The following CD99L2 variants were observed in gnomAD, a reference collection of about 807,000 sequenced individuals.
CD99L2 encodes CD99 molecule like 2, also known as CD99 antigen-like protein 2.
Under a neutral mutation model 27.3 loss-of-function variants are expected in CD99L2, and 24 were observed. The ratio of observed to expected loss-of-function variants is 0.88; its 90% CI spans 0.64 to 1.24. CD99L2 has a LOEUF of 1.24. Among genes scored for constraint, CD99L2 ranks in the 50% most tolerant of loss-of-function variants. The pLI, the probability that CD99L2 is intolerant of heterozygous loss-of-function variation, is 0.00. For synonymous variants in CD99L2, 97 were observed against 87.9 expected, an observed-to-expected ratio of 1.10 and a Z score of -0.58; for missense variants, 255 against 221.6, an observed-to-expected ratio of 1.15 and a Z score of -0.96.
intron 2 of CD99L2, among the ~76,000 whole-genome samples, chrX:150,817,251 G>A (rs2046176304): frequency 9.2e-6 from 1 of 108,611 alleles, no homozygotes; most frequent in Admixed American, 9.8e-5. Context: ...AAATAAAAGT[G>A]GTGACCCCAA....
chrX:150,785,735 G>A (rs1426595614), intron 7 of CD99L2, among the ~76,000 whole-genome samples: 1 of 111,488 alleles, frequency 9.0e-6, no homozygotes, highest in Middle Eastern at 4.2e-3. Context: ...ATATAATTGG[G>A]CTCAAATAAT....
chrX:150,835,100 G>C (rs1280173002), intron 1 of CD99L2, among the ~76,000 whole-genome samples: 2 of 111,834 alleles, frequency 1.8e-5, no homozygotes, highest in Non-Finnish European at 3.8e-5. Context: ...AGAAGTATGG[G>C]GAAAGGGAAA....
intron 1 of CD99L2, among the ~76,000 whole-genome samples, chrX:150,874,152 G>A (rs1187250555): frequency 1.8e-5 from 2 of 111,898 alleles, no homozygotes; most frequent in African/African-American, 6.5e-5. Flanking sequence ...AAACAAATGG[G>A]GCTATGAGAG....
At chrX:150,793,193 A>C (rs782396890) in intron 7 of CD99L2, among the ~76,000 whole-genome samples, 15 of 112,510 alleles carry the variant, frequency 1.3e-4, no homozygotes, top group African/African-American at 4.8e-4. Flanking sequence ...AAGCTAGGTG[A>C]AGTATACACA....
chrX:150,878,824 A>G (rs1242787205), intron 1 of CD99L2, among the ~76,000 whole-genome samples: 2 of 112,125 alleles, frequency 1.8e-5, no homozygotes, highest in Admixed American at 1.9e-4. Flanking sequence ...GCTCATCATT[A>G]ACTGTTTACA....
intron 1 of CD99L2, among the ~76,000 whole-genome samples, chrX:150,846,203 A>T (rs1239972992): frequency 3.6e-5 from 4 of 112,201 alleles, no homozygotes; most frequent in Non-Finnish European, 7.5e-5. Context: ...AAAAAGAAAA[A>T]ATAATAAAAA....
At chrX:150,840,462 T>C (rs1257655633) in intron 1 of CD99L2, among the ~76,000 whole-genome samples, 1 of 110,115 alleles carries the variant, frequency 9.1e-6, no homozygotes, top group Admixed American at 9.6e-5. Flanking sequence ...CCAGGTTGGA[T>C]TGCAGTGGTG....
chrX:150,791,712 C>T (rs1372439533), intron 7 of CD99L2, among the ~76,000 whole-genome samples: 1 of 110,490 alleles, frequency 9.1e-6, no homozygotes, highest in Non-Finnish European at 1.9e-5. Flanking sequence ...CAGAGTCCTG[C>T]CCAGGCTGGG....
intron 1 of CD99L2, among the ~76,000 whole-genome samples, chrX:150,880,657 C>T (rs1214776818): frequency 9.0e-6 from 1 of 111,207 alleles, no homozygotes; most frequent in African/African-American, 3.3e-5. Context: ...CTAGAAACCA[C>T]CGAGCTGTGT....
intron 1 of CD99L2, among the ~76,000 whole-genome samples, chrX:150,891,559 G>A (rs1169515293): frequency 8.0e-5 from 9 of 111,872 alleles, no homozygotes; most frequent in African/African-American, 2.9e-4. Context: ...ATATTTTAAG[G>A]TCAGCAGATT....
At chrX:150,775,789 C>T (rs1216871927) in intron 9 of CD99L2, among the ~76,000 whole-genome samples, 5 of 112,115 alleles carry the variant, frequency 4.5e-5, no homozygotes, top group African/African-American at 1.3e-4. Context: ...GAGCTGGTGA[C>T]GCAGGGCCTC....
intron 8 of CD99L2, 127 bp from the exon 9 acceptor site, chrX:150,776,420 G>A: frequency 1.3e-6 from 1 of 771,307 alleles, no homozygotes; most frequent in East Asian, 3.6e-5. Flanking sequence ...CAAGCCAGCA[G>A]GAGAGGGCCA....
At chrX:150,778,295 G>A (rs1029475004) in intron 7 of CD99L2, among the ~76,000 whole-genome samples, 11 of 110,253 alleles carry the variant, frequency 1.0e-4, no homozygotes, top group African/African-American at 3.6e-4. Flanking sequence ...CTCTTCTCAG[G>A]GCCGAACACT....
chrX:150,836,722 A>G (rs2046535716), intron 1 of CD99L2, among the ~76,000 whole-genome samples: 1 of 111,854 alleles, frequency 8.9e-6, no homozygotes, highest in African/African-American at 3.3e-5. Context: ...TGCAAACATC[A>G]TAGGGTGTCC....
intron 1 of CD99L2, among the ~76,000 whole-genome samples, chrX:150,840,657 C>T (rs1486042394): frequency 8.9e-6 from 1 of 112,259 alleles, no homozygotes; most frequent in Non-Finnish European, 1.9e-5. Context: ...ATCTGCCTGC[C>T]TCAGCCTCCC....
At chrX:150,804,988 C>A (rs1159419114) in intron 4 of CD99L2, among the ~76,000 whole-genome samples, 1 of 111,628 alleles carries the variant, frequency 9.0e-6, no homozygotes, top group Non-Finnish European at 1.9e-5. Flanking sequence ...GAGTTCGATA[C>A]CAGCCTAGGC....
intron 1 of CD99L2, among the ~76,000 whole-genome samples, chrX:150,855,970 C>T (rs1424261241): frequency 8.9e-6 from 1 of 111,828 alleles, no homozygotes; most frequent in Admixed American, 9.4e-5. Context: ...TCACTTAAAT[C>T]CAAATTCATG....
chrX:150,870,103 C>G, intron 1 of CD99L2, among the ~76,000 whole-genome samples: 1 of 111,850 alleles, frequency 8.9e-6, no homozygotes, highest in Admixed American at 9.5e-5. Flanking sequence ...AGGAAACATA[C>G]GAATAAAGCT....
At chrX:150,788,314 T>C (rs782684281) in intron 7 of CD99L2, among the ~76,000 whole-genome samples, 6 of 111,780 alleles carry the variant, frequency 5.4e-5, no homozygotes, top group South Asian at 3.8e-4. Flanking sequence ...CATTTTTTAA[T>C]TGGATTGTTT....
Sources: gnomAD v4.1 joint callset for allele counts (sites outside exome capture counted in the v4.1 genomes callset) on GRCh38, gnomAD v4.1.1 for gene constraint, MANE v1.5 for transcripts, NCBI Gene and HGNC (gene_info 2026-07-23, HGNC 2026-07-21) for gene names.